The following POU6F2 variants were observed in gnomAD, a reference collection of about 807,000 sequenced individuals.
POU6F2 encodes the protein POU domain, class 6, transcription factor 2.
In POU6F2, 31 loss-of-function variants were observed where a neutral mutation model predicts 71.3. The observed-to-expected ratio is 0.43, with a 90% CI of 0.33 to 0.59. The LOEUF is 0.59. Ranked by LOEUF, POU6F2 falls within the 20% of genes least tolerant of loss-of-function variation. The pLI is 0.04. For missense variants in POU6F2, 783 were observed against 856.8 expected (o/e 0.91, Z 1.07); for synonymous variants, 347 against 355.7 (o/e 0.98, Z 0.27).
intron 2 of POU6F2, among the ~76,000 whole-genome samples, chr7:39,110,861 A>T (rs551203903): frequency 6.6e-6 from 1 of 152,306 alleles, no homozygotes; most frequent in Non-Finnish European, 1.5e-5. Context: ...GGAGTGAATG[A>T]CTTCTTGCTA....
At position 39,460,466 on chromosome 7, in the gene POU6F2, C is replaced by T. The variant is rs899626296; in HGVS notation, c.1490-81C>T. On this transcript the variant is annotated intron_variant, in intron 8 of 9. Coordinates refer to ENST00000518318, the MANE Select transcript of POU6F2 (RefSeq NM_001370959.1). The surrounding 1 kb of genome is among the most constrained non-coding windows in gnomAD (Gnocchi z 4.4). ...ACTGCTCTGCTGTTAAAGAGAGCCA[C>T]TTTCTTATAAACCGTAATAAACAGA... The T allele has an allele frequency of 1.9e-5, 28 of 1,508,524 alleles. No individual in the cohort carries two copies. Among genetic ancestry groups the T allele is most frequent in the Non-Finnish European group, 2.3e-5 (26 of 1,108,140 alleles). 93.4% of individuals were successfully genotyped at this position (1,508,524 alleles called of 1,614,324 possible).
intron 1 of POU6F2, among the ~76,000 whole-genome samples, chr7:39,076,413 A>G (rs1183108893): frequency 6.6e-6 from 1 of 152,210 alleles, no homozygotes; most frequent in African/African-American, 2.4e-5. Flanking sequence ...AGTGTTTTGG[A>G]AAAGTAAATC....
chr7:39,194,773 A>G (rs1451161082), intron 2 of POU6F2, among the ~76,000 whole-genome samples: 1 of 152,206 alleles, frequency 6.6e-6, no homozygotes, highest in Non-Finnish European at 1.5e-5. Flanking sequence ...TATGAGCTGT[A>G]ACACTCACCG....
At chr7:39,191,414 C>G (rs1793661436) in intron 2 of POU6F2, among the ~76,000 whole-genome samples, 1 of 150,786 alleles carries the variant, frequency 6.6e-6, no homozygotes, top group Non-Finnish European at 1.5e-5. Flanking sequence ...CAATTCTGAC[C>G]CTAAAGTTCT....
chr7:39,235,385 G>A (rs1794657478), intron 4 of POU6F2, among the ~76,000 whole-genome samples: 1 of 152,118 alleles, frequency 6.6e-6, no homozygotes, highest in Non-Finnish European at 1.5e-5. Flanking sequence ...GATTTTATGA[G>A]GTAGTTGTTA....
At chr7:39,431,257 T>G (rs1351630210) in intron 6 of POU6F2, among the ~76,000 whole-genome samples, 1 of 152,144 alleles carries the variant, frequency 6.6e-6, no homozygotes, top group Non-Finnish European at 1.5e-5. Flanking sequence ...ATACTTGACA[T>G]CCGCACAAGT....
intron 2 of POU6F2, among the ~76,000 whole-genome samples, chr7:39,092,553 C>CT (rs1484452784): frequency 2.0e-5 from 3 of 152,146 alleles, no homozygotes; most frequent in Non-Finnish European, 4.4e-5. Flanking sequence ...CTAAATCTAT[C>CT]AACACTGGGC....
chr7:38,983,242 C>A (rs1234585962), intron 1 of POU6F2, among the ~76,000 whole-genome samples: 1 of 152,100 alleles, frequency 6.6e-6, no homozygotes, highest in African/African-American at 2.4e-5. Flanking sequence ...TACACAACTT[C>A]TAAATTAATT....
intron 2 of POU6F2, among the ~76,000 whole-genome samples, chr7:39,106,285 T>C (rs1791685538): frequency 6.6e-6 from 1 of 152,218 alleles, no homozygotes; most frequent in African/African-American, 2.4e-5. Context: ...ATTATGACCA[T>C]TGTTGCTCTC....
intron 4 of POU6F2, among the ~76,000 whole-genome samples, chr7:39,288,743 G>T (rs1248339006): frequency 6.6e-6 from 1 of 152,142 alleles, no homozygotes; most frequent in East Asian, 1.9e-4. Context: ...TTGAATCAGA[G>T]TGTCTGGCAC....
At chr7:39,012,891 T>A (rs1459185769) in intron 1 of POU6F2, among the ~76,000 whole-genome samples, 1 of 151,882 alleles carries the variant, frequency 6.6e-6, no homozygotes, top group Non-Finnish European at 1.5e-5. Flanking sequence ...TTCTCAGATC[T>A]CCAGCTGCGT....
intron 1 of POU6F2, among the ~76,000 whole-genome samples, chr7:39,041,861 A>T (rs1311229144): frequency 2.0e-5 from 3 of 151,952 alleles, no homozygotes; most frequent in Non-Finnish European, 4.4e-5. Flanking sequence ...ATTCCCACCC[A>T]AAGACCCAAG....
intron 2 of POU6F2, among the ~76,000 whole-genome samples, chr7:39,155,288 C>CTA (rs1309162344): frequency 1.3e-5 from 2 of 150,662 alleles, no homozygotes; most frequent in Non-Finnish European, 3.0e-5. Flanking sequence ...AGTCCTAAAG[C>CTA]TTTTTTTTTC....
At chr7:39,106,428 A>C (rs1243266541) in intron 2 of POU6F2, among the ~76,000 whole-genome samples, 1 of 152,238 alleles carries the variant, frequency 6.6e-6, no homozygotes, top group East Asian at 1.9e-4. Flanking sequence ...GTAATAATCT[A>C]TAGTCATGCA....
chr7:39,260,325 G>A (rs879403600), intron 4 of POU6F2, among the ~76,000 whole-genome samples: 2 of 137,140 alleles, frequency 1.5e-5, no homozygotes, highest in Admixed American at 7.3e-5. Context: ...ACAATACCAT[G>A]CACACACCAC....
intron 4 of POU6F2, among the ~76,000 whole-genome samples, chr7:39,210,262 A>G (rs1794112589): frequency 6.6e-6 from 1 of 152,202 alleles, no homozygotes; most frequent in Non-Finnish European, 1.5e-5. Context: ...ATGCTTGGTC[A>G]TGAATAGTGC....
intron 1 of POU6F2, among the ~76,000 whole-genome samples, chr7:38,992,280 CT>C (rs1788625169): frequency 6.6e-6 from 1 of 152,178 alleles, no homozygotes; most frequent in Non-Finnish European, 1.5e-5. Context: ...TTTTTGCGCT[CT>C]GCTCCTAGCT....
intron 1 of POU6F2, among the ~76,000 whole-genome samples, chr7:38,992,701 A>AC (rs1554304467): frequency 6.6e-6 from 1 of 151,956 alleles, no homozygotes; most frequent in East Asian, 1.9e-4. Context: ...ATATTCTTCT[A>AC]TTTTTTTGCG....
chr7:39,446,527 G>A (rs953033972), intron 7 of POU6F2, among the ~76,000 whole-genome samples: 6 of 152,082 alleles, frequency 3.9e-5, no homozygotes, highest in South Asian at 2.1e-4. Context: ...ACGATATACC[G>A]CATAACACAC....
Sources: allele counts gnomAD v4.1 joint callset (sites outside exome capture counted in the v4.1 genomes callset), GRCh38; gene constraint gnomAD v4.1.1; non-coding constraint Gnocchi (gnomAD v3.1); transcripts MANE v1.5; gene names NCBI Gene and HGNC (gene_info 2026-07-23, HGNC 2026-07-21).